The following SERPINA6 variants were observed in gnomAD, a reference collection of about 807,000 sequenced individuals.
SERPINA6 encodes the protein serpin family A member 6, also known as corticosteroid-binding globulin.
In SERPINA6, 19 loss-of-function variants were observed where a neutral mutation model predicts 26.4. That is an observed-to-expected ratio of 0.72 (90% CI 0.50 to 1.06). The LOEUF is 1.06. Among genes scored for constraint, SERPINA6 ranks in the 50% least tolerant of loss-of-function variants. SERPINA6 has a pLI of 0.00. For missense variants in SERPINA6, 473 were observed against 504.0 expected, an observed-to-expected ratio of 0.94 and a Z score of 0.59; for synonymous variants, 196 against 199.4, an observed-to-expected ratio of 0.98 and a Z score of 0.14.
rs570160813 is a variant in SERPINA6 at position 94,314,751 on chromosome 14, C to A, written c.-19-84G>T. 6 of 1,296,384 alleles carry A rather than the reference C, an allele frequency of 4.6e-6. No individual in the cohort carries two copies. In the Admixed American group the frequency reaches 6.8e-5, roughly 15 times the overall value. The allele number at this position is 1,296,384 out of a possible 1,614,324, so 80.3% of individuals were successfully genotyped here. ...GTGCAAGAGGAGGCAGGCAAAAGAC[C>A]CCATTCAAGCCCCAGTTCCTTCCTC... On this transcript the variant is annotated intron_variant, in intron 1 of 4. Transcript: ENST00000341584.
intron 1 of SERPINA6, among the ~76,000 whole-genome samples, chr14:94,321,207 C>G (rs2139728972): frequency 6.6e-6 from 1 of 152,308 alleles, no homozygotes; most frequent in South Asian, 2.1e-4. Flanking sequence ...TAGCCCCTAC[C>G]TCGTCTCCCT....
At chr14:94,305,181 C>T (rs985725917) in intron 4 of SERPINA6, among the ~76,000 whole-genome samples, 4 of 152,182 alleles carry the variant, frequency 2.6e-5, no homozygotes, top group Admixed American at 6.5e-5. Flanking sequence ...GCTCACAACA[C>T]CCTAAGGGGT....
intron 1 of SERPINA6, among the ~76,000 whole-genome samples, chr14:94,321,836 A>G (rs1008494584): frequency 1.3e-5 from 2 of 152,122 alleles, no homozygotes; most frequent in Non-Finnish European, 2.9e-5. Flanking sequence ...TGCCATACCT[A>G]TCTGGGATCT....
At chr14:94,313,535 C>T (rs1352285817) in intron 2 of SERPINA6, among the ~76,000 whole-genome samples, 2 of 152,190 alleles carry the variant, frequency 1.3e-5, no homozygotes, top group Non-Finnish European at 2.9e-5. Flanking sequence ...GGCCATGTGG[C>T]TTCTAGAAGC....
chr14:94,320,523 C>T (rs1895670317), intron 1 of SERPINA6, among the ~76,000 whole-genome samples: 1 of 152,196 alleles, frequency 6.6e-6, no homozygotes, highest in African/African-American at 2.4e-5. Flanking sequence ...GGGTGGCACT[C>T]TCTGAACCTT....
intron 4 of SERPINA6, 88 bp from the exon 5 acceptor site, chr14:94,304,691 G>C (rs1345971357): frequency 6.1e-6 from 7 of 1,156,952 alleles, no homozygotes; most frequent in African/African-American, 1.5e-5. Flanking sequence ...CACATCCTTG[G>C]TTTTAGGAAG....
intron 3 of SERPINA6, among the ~76,000 whole-genome samples, chr14:94,309,024 A>G (rs975974020): frequency 6.6e-6 from 1 of 152,144 alleles, no homozygotes; most frequent in African/African-American, 2.4e-5. Context: ...GCATTCATTC[A>G]TTCATTGCTG....
At chr14:94,316,074 G>A (rs188311802) in intron 1 of SERPINA6, among the ~76,000 whole-genome samples, 7 of 152,050 alleles carry the variant, frequency 4.6e-5, no homozygotes, top group Non-Finnish European at 1.0e-4. Flanking sequence ...TTCCATTTTC[G>A]TTTGTCTTTA....
intron 1 of SERPINA6, among the ~76,000 whole-genome samples, chr14:94,315,718 A>T (rs1382717713): frequency 6.6e-6 from 1 of 152,212 alleles, no homozygotes; most frequent in East Asian, 1.9e-4. Flanking sequence ...GACAAAATAG[A>T]TTTTGAATTA....
chr14:94,309,393 AC>A (rs1045802731), intron 3 of SERPINA6, among the ~76,000 whole-genome samples: 2 of 152,226 alleles, frequency 1.3e-5, no homozygotes, highest in Non-Finnish European at 2.9e-5. Context: ...AAGCAAGATA[AC>A]AAAACAGATA....
At position 94,314,547 on chromosome 14, in the gene SERPINA6, G is replaced by A. The variant is rs1379599510; in HGVS notation, c.102C>T (p.Asn34=). Residue 34 remains asparagine (N), a synonymous_variant, in exon 2 of 5, where the codon AAC becomes AAT. Coordinates refer to ENST00000341584, the MANE Select transcript of SERPINA6 (RefSeq NM_001756.4). ...TGGCTGAAGCCAGGCCCCGGTGATG[G>A]TTACTCATGTTCACATAAGCAGCGT... ...DPNAAYVNMS[N]HHRGLASANV... The A allele has an allele frequency of 6.2e-7, 1 of 1,614,230 alleles. No individual in the cohort carries two copies. The highest frequency in any genetic ancestry group is 2.2e-5 in the East Asian group (1 of 44,890).
intron 2 of SERPINA6, among the ~76,000 whole-genome samples, chr14:94,310,936 C>T (rs537168950): frequency 2.0e-5 from 3 of 152,344 alleles, no homozygotes; most frequent in African/African-American, 7.2e-5. Flanking sequence ...CACCATTTCC[C>T]AGCCCAGGCT....
Position 94,304,436 on chromosome 14 carries a change from C to G in SERPINA6, c.1200G>C (p.Arg400Ser). ...TGGTCTCTTACACTGGGTTCATAACCCTCGCCAGGAAAAGGCTGCTCCAGG... is the reference window on the plus strand; with the variant it reads ...TGGTCTCTTACACTGGGTTCATAACGCTCGCCAGGAAAAGGCTGCTCCAGG... ...HFTWSSLFLA[R>S]VMNPV Residue 400 changes from arginine (R) to serine (S), a missense_variant, in exon 5 of 5, where the codon AGG becomes AGC. Arg to Ser is a moderately radical substitution (Grantham distance 110). Coordinates refer to ENST00000341584, the MANE Select transcript of SERPINA6 (RefSeq NM_001756.4). 6.2e-7 allele frequency: 1 copy of G among 1,614,100 alleles called. No homozygotes were observed. The highest frequency in any genetic ancestry group is 8.5e-7 in the Non-Finnish European group (1 of 1,180,026).
intron 3 of SERPINA6, among the ~76,000 whole-genome samples, chr14:94,308,352 A>G (rs950504442): frequency 6.6e-6 from 1 of 151,872 alleles, no homozygotes; most frequent in Non-Finnish European, 1.5e-5. Context: ...GTTTTGTCCT[A>G]TTCACCACTC....
chr14:94,319,966 A>G (rs1895661129), intron 1 of SERPINA6, among the ~76,000 whole-genome samples: 1 of 152,240 alleles, frequency 6.6e-6, no homozygotes, highest in Admixed American at 6.5e-5. Context: ...CACAATACAA[A>G]TTTAAGGAAA....
intron 2 of SERPINA6, among the ~76,000 whole-genome samples, chr14:94,312,907 C>T (rs537635504): frequency 2.6e-5 from 4 of 152,208 alleles, no homozygotes; most frequent in East Asian, 3.9e-4. Flanking sequence ...ATGATCTTGT[C>T]GAGAGACACA....
At chr14:94,319,142 C>A (rs1490884545) in intron 1 of SERPINA6, among the ~76,000 whole-genome samples, 3 of 152,124 alleles carry the variant, frequency 2.0e-5, no homozygotes, top group Non-Finnish European at 4.4e-5. Flanking sequence ...TACTAACAGA[C>A]AAACAAAACA....
chr14:94,304,297 T>A lies in SERPINA6; in HGVS notation c.*121A>T. 1.0e-6 allele frequency: 1 copy of A among 973,396 alleles called. No individual in the cohort carries two copies. Among genetic ancestry groups the A allele is most frequent in the East Asian group, 2.4e-5 (1 of 41,894 alleles). The allele number at this position is 973,396 out of a possible 1,614,324, so 60.3% of individuals were successfully genotyped here. On this transcript the variant is annotated 3_prime_UTR_variant, in exon 5 of 5. Coordinates refer to ENST00000341584, the MANE Select transcript of SERPINA6 (RefSeq NM_001756.4). ...AAAGATGCCTAAAGTTAGACACAAC[T>A]CTGGTTGGAGGGAGAAGAACTTGGA...
intron 3 of SERPINA6, among the ~76,000 whole-genome samples, chr14:94,307,161 G>C (rs1020190850): frequency 1.3e-5 from 2 of 152,288 alleles, no homozygotes; most frequent in African/African-American, 4.8e-5. Context: ...AAGAAAGGAA[G>C]GGAGACCAAT....
Sources: allele counts gnomAD v4.1 joint callset (sites outside exome capture counted in the v4.1 genomes callset), GRCh38; gene constraint gnomAD v4.1.1; transcripts MANE v1.5; gene names NCBI Gene and HGNC (gene_info 2026-07-23, HGNC 2026-07-21).